TMEM68: variants seen among roughly 807,000 people sequenced by gnomAD.
TMEM68 encodes the protein DGAT1/2-independent enzyme synthesizing storage lipids.
TMEM68 carries 25 observed loss-of-function variants against 36.9 expected under a neutral mutation model. The observed-to-expected ratio is 0.68, with a 90% confidence interval of 0.49 to 0.95. The LOEUF is 0.95. Ranked by LOEUF, TMEM68 falls within the 40% of genes least tolerant of loss-of-function variation. The pLI, the probability that TMEM68 is intolerant of heterozygous loss-of-function variation, is 0.00. For missense variants in TMEM68, 333 were observed against 392.0 expected (o/e 0.85, Z 1.27); for synonymous variants, 131 against 124.4 (o/e 1.05, Z -0.35).
chr8:55,763,247 G>GAGAGAAGAAAATAAAGCTATAATTA (rs544416335), intron 2 of TMEM68, among the ~76,000 whole-genome samples: 2 of 152,092 alleles, frequency 1.3e-5, no homozygotes, highest in East Asian at 1.9e-4. Flanking sequence ...CACTATAATT[G>GAGAGAAGAAAATAAAGCTATAATTA]AGAGAAGAAA....
At chr8:55,741,062 C>T (rs187837381) in intron 7 of TMEM68, among the ~76,000 whole-genome samples, 3 of 152,048 alleles carry the variant, frequency 2.0e-5, no homozygotes, top group Admixed American at 1.3e-4. Flanking sequence ...GGTGAAACCC[C>T]GTCTCTACTA....
Position 55,751,007 on chromosome 8 carries a change from C to A in TMEM68, c.644G>T (p.Gly215Val). ...ISDETYNIVW[G>V]HRRGFAQVAI... The stretch of plus-strand genomic sequence containing the variant: ...AACCTGAGCAAAGCCTCTGCGATGA[C>A]CCCATACGATGTTATAAGTTTCATC... The change falls in exon 5 of 8, where the codon GGT becomes GTT. Residue 215 changes from glycine to valine, a missense_variant. By Grantham distance (109) the Gly-to-Val change is moderately radical (BLOSUM62 -3). Transcript: ENST00000434581. The A allele has an allele frequency of 2.5e-6, 4 of 1,613,714 alleles. No homozygotes were observed. The highest frequency in any genetic ancestry group is 3.4e-6 in the Non-Finnish European group (4 of 1,179,950).
rs556227962 is a variant in TMEM68 at position 55,755,202 on chromosome 8, C to T, written c.493+1042G>A. Among the ~76,000 whole-genome samples the T allele has an allele frequency of 1.9e-4, 28 of 151,018 alleles. No individual in the cohort carries two copies. In the South Asian group the frequency reaches 5.2e-3, roughly 28 times the overall value. On this transcript the variant is annotated intron_variant, in intron 4 of 7. Transcript: ENST00000434581. ...GTTATAAATCTTATCAGGCAAGTTA[C>T]ACATGATAAGAGACATGATGTATGT...
At position 55,745,074 on chromosome 8, in the gene TMEM68, T is replaced by C; in HGVS notation, c.735A>G (p.Ser245=). ...ATCAGAACTTACTTGTTCCTCCAAG[T>C]GATCTAAATCCTTCTCGAATATTTT... ...FTQNIREGFR[S]LGGTRLFRWL... is the part of the protein sequence containing the mutation. Residue 245 remains serine, a synonymous_variant, in exon 6 of 8, where the codon TCA becomes TCG. Coordinates refer to ENST00000434581, the MANE Select transcript of TMEM68 (RefSeq NM_001286657.2). The C allele has an allele frequency of 6.7e-7, 1 of 1,494,694 alleles. No individual in the cohort carries two copies. 92.6% of individuals were successfully genotyped at this position (1,494,694 alleles called of 1,614,324 possible). A position where few individuals can be genotyped will look rare whatever the true frequency, so the allele number is the denominator to read the frequency against.
In TMEM68 at chr8:55,773,327, G is replaced by A; in HGVS notation, c.-173C>T. Reference sequence around the variant, plus strand: ...AGTGGCCAAGGGGGCGGACAGATTTGCACGGCGGATTCCTCCGAAGCAACC... The same window carrying A: ...AGTGGCCAAGGGGGCGGACAGATTTACACGGCGGATTCCTCCGAAGCAACC... On this transcript the variant is annotated 5_prime_UTR_variant, in exon 1 of 8. Coordinates refer to ENST00000434581, the MANE Select transcript of TMEM68 (RefSeq NM_001286657.2). The A allele has an allele frequency of 3.4e-6, 1 of 294,096 alleles. No homozygotes were observed. Among genetic ancestry groups the A allele is most frequent in the Non-Finnish European group, 6.4e-6 (1 of 156,746 alleles). The allele number at this position is 294,096 out of a possible 1,614,324, so 18.2% of individuals were successfully genotyped here. A position where few individuals can be genotyped will look rare whatever the true frequency, so the allele number is the denominator to read the frequency against.
chr8:55,769,958 G>C (rs370960137), intron 1 of TMEM68, among the ~76,000 whole-genome samples: 1 of 152,016 alleles, frequency 6.6e-6, no homozygotes, highest in Non-Finnish European at 1.5e-5. Flanking sequence ...ACAGAAATCT[G>C]GATCAAAACA....
chr8:55,757,252 T>G (rs1810634484), intron 3 of TMEM68, among the ~76,000 whole-genome samples: 1 of 152,120 alleles, frequency 6.6e-6, no homozygotes, highest in Non-Finnish European at 1.5e-5. Flanking sequence ...CGAACTGAAC[T>G]TCAAAGGGTG....
intron 5 of TMEM68, among the ~76,000 whole-genome samples, chr8:55,749,579 C>T (rs1473164255): frequency 3.3e-5 from 5 of 152,260 alleles, no homozygotes; most frequent in African/African-American, 9.6e-5. Flanking sequence ...GCAACAGTAC[C>T]GGTTGCCTCG....
chr8:55,754,735 CTT>C (rs1491560705), intron 4 of TMEM68, among the ~76,000 whole-genome samples: 1 of 114,410 alleles, frequency 8.7e-6, no homozygotes, highest in African/African-American at 3.7e-5. Flanking sequence ...AAAATACATA[CTT>C]ATATATATAT....
At chr8:55,754,482 CACACACACACAT>C (rs1448317191) in intron 4 of TMEM68, among the ~76,000 whole-genome samples, 3 of 141,274 alleles carry the variant, frequency 2.1e-5, no homozygotes, top group African/African-American at 7.9e-5. Flanking sequence ...CACACACACA[CACACACACACAT>C]ACATACACAC....
At position 55,762,830 on chromosome 8, in the gene TMEM68, GAT is replaced by G; in HGVS notation, c.128_129del (p.Tyr43SerfsTer32). 6.2e-7 allele frequency: 1 copy of G among 1,614,140 alleles called. No homozygotes were observed. The highest frequency in any genetic ancestry group is 8.5e-7 in the Non-Finnish European group (1 of 1,180,014). Reference sequence around the variant, plus strand: ...ATTAGTGGTGTAAAAACCCACAAGAGATAGTTTGCAAAATTCAAATAGTCCTC... The same window carrying G: ...ATTAGTGGTGTAAAAACCCACAAGAGAGTTTGCAAAATTCAAATAGTCCTC... ...QLEDYLNFAN[Y>X]LLWVFTPLIL... is the part of the protein sequence containing the mutation. On this transcript the variant is annotated frameshift_variant, in exon 3 of 8. Transcript: ENST00000434581. LOFTEE classifies it high-confidence loss of function.
chr8:55,761,527 A>G (rs1428103684), intron 3 of TMEM68: 1 of 152,188 alleles, frequency 6.6e-6, no homozygotes, highest in African/African-American at 2.4e-5. Context: ...ACCTGGCCCT[A>G]TTCCTAGTAT....
At chr8:55,740,853 A>C (rs917313014) in intron 7 of TMEM68, among the ~76,000 whole-genome samples, 4 of 152,178 alleles carry the variant, frequency 2.6e-5, no homozygotes, top group African/African-American at 9.6e-5. Flanking sequence ...GTCATCATGA[A>C]CTATGTATTT....
At position 55,762,669 on chromosome 8, in the gene TMEM68, T is replaced by C; in HGVS notation, c.291A>G (p.Ala97=). The C allele has an allele frequency of 6.2e-7, 1 of 1,614,208 alleles. No individual in the cohort carries two copies. The highest frequency in any genetic ancestry group is 2.2e-5 in the East Asian group (1 of 44,880). Residue 97 remains alanine (A), a synonymous_variant, in exon 3 of 8, where the codon GCA becomes GCG. Coordinates refer to ENST00000434581, the MANE Select transcript of TMEM68 (RefSeq NM_001286657.2). ...NLWDGARKTV[A]TLWDGHAAVW... is the part of the protein sequence containing the mutation. ...CGGCTGCATGTCCATCCCACAGAGT[T>C]GCCACTGTTTTCCTTGCACCATCCC...
intron 4 of TMEM68, among the ~76,000 whole-genome samples, chr8:55,754,058 C>T (rs1810497665): frequency 2.0e-5 from 3 of 151,936 alleles, no homozygotes; most frequent in Non-Finnish European, 4.4e-5. Context: ...CACCATTGCA[C>T]TCCAGCCTGG....
chr8:55,765,177 T>C (rs1186675489), intron 1 of TMEM68, among the ~76,000 whole-genome samples: 2 of 152,204 alleles, frequency 1.3e-5, no homozygotes, highest in African/African-American at 2.4e-5. Context: ...AAGGTCTTCC[T>C]TATACTTAAC....
chr8:55,763,029 C>T lies in TMEM68; in HGVS notation c.-69-1G>A. 4.8e-6 allele frequency: 7 copies of T among 1,467,150 alleles called. No homozygotes were observed. The highest frequency in any genetic ancestry group is 5.5e-6 in the Non-Finnish European group (6 of 1,100,030). 90.9% of individuals were successfully genotyped at this position (1,467,150 alleles called of 1,614,324 possible). A position where few individuals can be genotyped will look rare whatever the true frequency, so the allele number is the denominator to read the frequency against. Reference sequence around the variant, plus strand: ...CCATAGCAGGTCGCTAATTTTGACACTAGAAGGGAAAAATAATCCAGTATT... The same window carrying T: ...CCATAGCAGGTCGCTAATTTTGACATTAGAAGGGAAAAATAATCCAGTATT... On this transcript the variant is annotated splice_acceptor_variant, in intron 2 of 7. Transcript: ENST00000434581. LOFTEE classifies it low-confidence loss of function (5UTR_SPLICE).
chr8:55,768,797 G>A (rs974432825), intron 1 of TMEM68, among the ~76,000 whole-genome samples: 35 of 151,718 alleles, frequency 2.3e-4, no homozygotes, highest in South Asian at 2.1e-4. Flanking sequence ...AGTGAGCCGA[G>A]ATCATGCCAC....
intron 3 of TMEM68, among the ~76,000 whole-genome samples, chr8:55,758,053 A>C (rs1810660532): frequency 6.6e-6 from 1 of 152,132 alleles, no homozygotes; most frequent in South Asian, 2.1e-4. Flanking sequence ...TGGAGTTATA[A>C]GCAAAGGCGA....
Sources: allele counts gnomAD v4.1 joint callset (sites outside exome capture counted in the v4.1 genomes callset), GRCh38; gene constraint gnomAD v4.1.1; transcripts MANE v1.5; gene names NCBI Gene and HGNC (gene_info 2026-07-23, HGNC 2026-07-21).